TMEM63C: variants seen among roughly 807,000 people sequenced by gnomAD.
TMEM63C encodes osmosensitive cation channel TMEM63C.
Under a neutral mutation model 99.2 loss-of-function variants are expected in TMEM63C, and 32 were observed. That is an observed-to-expected ratio of 0.32 (90% confidence interval 0.24 to 0.43). The LOEUF is 0.43. TMEM63C is among the 20% of genes least tolerant of loss of function. The pLI is 1.00. For missense variants in TMEM63C, 826 were observed against 1,053.0 expected (o/e 0.78, Z 2.98); for synonymous variants, 376 against 397.9 (o/e 0.94, Z 0.66).
intron 1 of TMEM63C, among the ~76,000 whole-genome samples, chr14:77,185,790 A>G (rs1887984376): frequency 6.6e-6 from 1 of 151,984 alleles, no homozygotes; most frequent in Non-Finnish European, 1.5e-5. Flanking sequence ...GTTCCCACCT[A>G]TTTCATTACC....
intron 16 of TMEM63C, 32 bp downstream of exon 16, chr14:77,244,487 G>A (rs1056389056): frequency 1.3e-6 from 2 of 1,564,588 alleles, no homozygotes; most frequent in Non-Finnish European, 1.8e-6. Flanking sequence ...GTAGCCCTGT[G>A]GTTTCTCCAG....
intron 1 of TMEM63C, among the ~76,000 whole-genome samples, chr14:77,197,165 G>A (rs1246222439): frequency 2.0e-5 from 3 of 152,236 alleles, no homozygotes; most frequent in Non-Finnish European, 4.4e-5. Context: ...ATTTGAGAGT[G>A]TCTCAAATCT....
At chr14:77,254,179 C>A (rs12590130) in intron 23 of TMEM63C, among the ~76,000 whole-genome samples, 7,531 of 152,058 alleles carry the variant, frequency 0.05, 431 homozygotes, top group African/African-American at 0.15. Flanking sequence ...GCAGCCTGTG[C>A]GAAGGCCTGG....
intron 8 of TMEM63C, among the ~76,000 whole-genome samples, chr14:77,234,939 A>T (rs916427395): frequency 1.3e-5 from 2 of 152,104 alleles, no homozygotes; most frequent in African/African-American, 4.8e-5. Flanking sequence ...GCAGTGATGA[A>T]TCTAAGTACT....
rs75276818 is a variant in TMEM63C, at chr14:77,222,540, C to A, written c.312+2453C>A. ...AGAGACCTTCACTGTCTTCCTAGGG[C>A]CTGTGGAATCAATTGCAGATGCTGT... On this transcript the variant is annotated intron_variant, in intron 5 of 23. Coordinates refer to ENST00000298351, the MANE Select transcript of TMEM63C (RefSeq NM_020431.4). Among the ~76,000 whole-genome samples, 331 of 152,322 alleles carry A rather than the reference C, an allele frequency of 2.2e-3. 3 individuals carry two copies. The highest frequency in any genetic ancestry group is 7.4e-3 in the African/African-American group (309 of 41,574).
intron 12 of TMEM63C, among the ~76,000 whole-genome samples, 176 bp downstream of exon 12, chr14:77,239,902 G>A (rs1471478147): frequency 6.6e-6 from 1 of 152,206 alleles, no homozygotes; most frequent in Non-Finnish European, 1.5e-5. Context: ...TGAGATGGGA[G>A]CCTTTCTGGA....
chr14:77,240,683 CCA>C (rs1490310095), intron 13 of TMEM63C, 75 bp downstream of exon 13: 28 of 1,549,808 alleles, frequency 1.8e-5, no homozygotes, highest in Non-Finnish European at 2.4e-5. Context: ...CTCTCCACCT[CCA>C]GTTTCCCCTT....
chr14:77,246,696 C>T (rs1440892839), intron 18 of TMEM63C, 22 bp downstream of exon 18: 2 of 1,601,732 alleles, frequency 1.2e-6, no homozygotes, highest in Non-Finnish European at 1.7e-6. Flanking sequence ...CATGTGTCCA[C>T]CAGGGCTGCT....
intron 5 of TMEM63C, among the ~76,000 whole-genome samples, chr14:77,220,338 G>C (rs1888668791): frequency 6.6e-6 from 1 of 152,168 alleles, no homozygotes; most frequent in Non-Finnish European, 1.5e-5. Flanking sequence ...ATATCTTAGA[G>C]AGATTTTTAA....
intron 17 of TMEM63C, 47 bp from the exon 18 acceptor site, chr14:77,246,562 G>T (rs761284495): frequency 1.3e-6 from 2 of 1,545,708 alleles, no homozygotes; most frequent in Admixed American, 1.8e-5. Flanking sequence ...CTCAGCCTTA[G>T]CTCATAGGTT....
intron 6 of TMEM63C, among the ~76,000 whole-genome samples, chr14:77,229,382 T>C (rs190582854): frequency 6.6e-6 from 1 of 152,032 alleles, no homozygotes; most frequent in East Asian, 1.9e-4. Flanking sequence ...AGCTATAGAG[T>C]GAGACTCTGT....
chr14:77,242,521 A>G, intron 14 of TMEM63C, 52 bp downstream of exon 14: 2 of 1,601,232 alleles, frequency 1.2e-6, no homozygotes, highest in Admixed American at 3.4e-5. Context: ...GAGACTGAAG[A>G]AGGCAGCAGG....
intron 7 of TMEM63C, 81 bp from the exon 8 acceptor site, chr14:77,233,371 A>C (rs1417514691): frequency 6.9e-6 from 10 of 1,456,632 alleles, no homozygotes; most frequent in Non-Finnish European, 9.5e-6. Context: ...GACCCCACGC[A>C]TTTGTCCAGG....
At chr14:77,222,429 C>A (rs1450843867) in intron 5 of TMEM63C, among the ~76,000 whole-genome samples, 1 of 152,216 alleles carries the variant, frequency 6.6e-6, no homozygotes, top group Non-Finnish European at 1.5e-5. Flanking sequence ...CTAACTGATC[C>A]CTTTAGGTCC....
intron 14 of TMEM63C, 32 bp downstream of exon 14, chr14:77,242,501 G>A (rs1889195699): frequency 6.2e-7 from 1 of 1,608,632 alleles, no homozygotes. Flanking sequence ...CCTCTCCTCT[G>A]AGCTCCTCTG....
intron 1 of TMEM63C, among the ~76,000 whole-genome samples, chr14:77,206,633 T>G (rs1185561355): frequency 2.6e-4 from 40 of 152,140 alleles, no homozygotes; most frequent in Admixed American, 2.4e-3. Flanking sequence ...GCTCAGTCCC[T>G]CCACCCTCTC....
chr14:77,236,745 C>T lies in TMEM63C; in HGVS notation c.651+13C>T. 1 of 1,576,130 alleles carries T rather than the reference C, an allele frequency of 6.3e-7. No homozygotes were observed. The highest frequency in any genetic ancestry group is 8.7e-7 in the Non-Finnish European group (1 of 1,146,416). ...GAATAGCCAAAAGGTAAGTAGCCTA[C>T]AAAGCTGCTTCCCACTGTGGGAAGC... On this transcript the variant is annotated intron_variant, in intron 9 of 23. Transcript: ENST00000298351.
At chr14:77,229,332 G>A (rs1441175450) in intron 6 of TMEM63C, among the ~76,000 whole-genome samples, 1 of 152,084 alleles carries the variant, frequency 6.6e-6, no homozygotes, top group African/African-American at 2.4e-5. Context: ...GGGAGACAGA[G>A]GTTGCAGTGA....
chr14:77,217,705 G>A (rs1252255679), intron 2 of TMEM63C, among the ~76,000 whole-genome samples: 1 of 152,204 alleles, frequency 6.6e-6, no homozygotes, highest in African/African-American at 2.4e-5. Context: ...TGTGATGCCA[G>A]GGACGGCAGG....
Sources: allele counts gnomAD v4.1 joint callset (sites outside exome capture counted in the v4.1 genomes callset), GRCh38; gene constraint gnomAD v4.1.1; transcripts MANE v1.5; gene names NCBI Gene and HGNC (gene_info 2026-07-23, HGNC 2026-07-21).